NAALAD2: variants seen among roughly 807,000 people sequenced by gnomAD.
NAALAD2 encodes N-acetylated-alpha-linked acidic dipeptidase 2.
In NAALAD2, 89 loss-of-function variants were observed where a neutral mutation model predicts 95.6. The observed-to-expected ratio is 0.93, with a 90% CI of 0.78 to 1.11. The LOEUF is 1.11. Among genes scored for constraint, NAALAD2 ranks in the 50% least tolerant of loss-of-function variants. The pLI, the probability that NAALAD2 is intolerant of heterozygous loss-of-function variation, is 0.00. For synonymous variants in NAALAD2, 264 were observed against 294.4 expected, an observed-to-expected ratio of 0.90 and a Z score of 1.06; for missense variants, 894 against 872.4, an observed-to-expected ratio of 1.02 and a Z score of -0.31.
At chr11:90,145,375 G>A (rs1951725601) in intron 2 of NAALAD2, among the ~76,000 whole-genome samples, 1 of 152,006 alleles carries the variant, frequency 6.6e-6, no homozygotes, top group Non-Finnish European at 1.5e-5. Context: ...AGGCAAAAAA[G>A]TTCATGGCTA....
chr11:90,135,530 G>A, intron 1 of NAALAD2, 29 bp from the exon 2 acceptor site: 1 of 1,512,204 alleles, frequency 6.6e-7, no homozygotes, highest in Non-Finnish European at 9.1e-7. Flanking sequence ...GTGTGTATGT[G>A]TGCATGTTTG....
At chr11:90,170,030 A>G in intron 12 of NAALAD2, 39 bp from the exon 13 acceptor site, 1 of 1,129,362 alleles carries the variant, frequency 8.9e-7, no homozygotes, top group Non-Finnish European at 1.3e-6. Flanking sequence ...TTTCATTTAG[A>G]AGTATGAAAT....
At chr11:90,146,415 T>C (rs529682672) in intron 2 of NAALAD2, among the ~76,000 whole-genome samples, 350 of 140,936 alleles carry the variant, frequency 2.5e-3, no homozygotes, top group Non-Finnish European at 4.0e-3. Context: ...CTGGAGTGCA[T>C]TGGCATGATC....
intron 2 of NAALAD2, among the ~76,000 whole-genome samples, chr11:90,143,785 G>T (rs1005852771): frequency 5.3e-5 from 8 of 152,096 alleles, no homozygotes; most frequent in African/African-American, 1.9e-4. Context: ...ATTTATCAGG[G>T]TATTAAATGC....
rs527813473 is a variant in NAALAD2 at position 90,167,088 on chromosome 11, C to A, written c.1279-1841C>A. On this transcript the variant is annotated intron_variant, in intron 11 of 18. Coordinates refer to ENST00000534061, the MANE Select transcript of NAALAD2 (RefSeq NM_005467.4). Reference sequence around the variant, plus strand: ...TCCTCGGCCTTGGCGCCCACTCTGGCCACGCTTGAGGAGCCCTTCAGCCCG... The same window carrying A: ...TCCTCGGCCTTGGCGCCCACTCTGGACACGCTTGAGGAGCCCTTCAGCCCG... 5.9e-5 allele frequency among the ~76,000 whole-genome samples: 9 copies of A among 152,348 alleles called. No individual in the cohort carries two copies. The South Asian group carries it at 1.9e-3, about 32-fold the overall frequency.
chr11:90,165,262 A>T (rs182045097), intron 11 of NAALAD2, among the ~76,000 whole-genome samples: 125 of 152,286 alleles, frequency 8.2e-4, no homozygotes, highest in African/African-American at 2.8e-3. Flanking sequence ...GCTATTATGA[A>T]TAATGCTGCA....
At chr11:90,172,856 A>G (rs1238193805) in intron 13 of NAALAD2, among the ~76,000 whole-genome samples, 2 of 152,170 alleles carry the variant, frequency 1.3e-5, no homozygotes, top group African/African-American at 2.4e-5. Context: ...CCAGATGTTT[A>G]TATTCAGAAA....
chr11:90,155,494 AT>A (rs971136217), intron 6 of NAALAD2, among the ~76,000 whole-genome samples: 1 of 114,376 alleles, frequency 8.7e-6, no homozygotes, highest in Non-Finnish European at 1.6e-5. Context: ...TATATATAAT[AT>A]ATTATATATA....
Position 90,174,608 on chromosome 11 carries a change from T to A in NAALAD2, c.1502+693T>A, listed in dbSNP as rs146055188. The stretch of plus-strand genomic sequence containing the variant: ...CTTGTAAATTTATTAAGGAACATTA[T>A]CAGTAACCACCAAATTGTGTCTTTA... On this transcript the variant is annotated intron_variant, in intron 14 of 18. Transcript: ENST00000534061. Among the ~76,000 whole-genome samples the A allele has an allele frequency of 2.5e-3, 377 of 152,192 alleles. 4 individuals are homozygous for A. Among genetic ancestry groups the A allele is most frequent in the Admixed American group, 0.021 (323 of 15,284 alleles).
chr11:90,174,507 A>G (rs1952730705), intron 14 of NAALAD2, among the ~76,000 whole-genome samples: 1 of 152,100 alleles, frequency 6.6e-6, no homozygotes, highest in Admixed American at 6.6e-5. Context: ...AATTTCATTT[A>G]CATATGTATT....
At chr11:90,168,798 C>A in intron 11 of NAALAD2, 131 bp from the exon 12 acceptor site, 1 of 689,396 alleles carries the variant, frequency 1.5e-6, no homozygotes, top group Non-Finnish European at 2.5e-6. Flanking sequence ...ATTAGGGTCA[C>A]AGATGGACCT....
chr11:90,181,471 C>T (rs1591024908), intron 16 of NAALAD2, 149 bp from the exon 17 acceptor site: 1 of 603,164 alleles, frequency 1.7e-6, no homozygotes, highest in South Asian at 2.0e-5. Context: ...GTTATATTTT[C>T]TACTAATTTT....
intron 8 of NAALAD2, among the ~76,000 whole-genome samples, chr11:90,162,322 C>T (rs1410845492): frequency 7.2e-5 from 11 of 152,094 alleles, no homozygotes; most frequent in Admixed American, 7.2e-4. Context: ...AAATCAGAAT[C>T]AACAATCATG....
In NAALAD2 at chr11:90,181,516, C is replaced by T. The variant is rs1952967433; in HGVS notation, c.1859-104C>T. Reference sequence around the variant, plus strand: ...GCAAGAAGACTCAGTAGAAAAATGGCTTCGACATCTATGTGGTCATATCAA... The same window carrying T: ...GCAAGAAGACTCAGTAGAAAAATGGTTTCGACATCTATGTGGTCATATCAA... On this transcript the variant is annotated intron_variant, in intron 16 of 18. Transcript: ENST00000534061. 4 of 722,430 alleles carry T rather than the reference C, an allele frequency of 5.5e-6. No individual in the cohort carries two copies. The Admixed American group carries it at 1.1e-4, about 19-fold the overall frequency. 44.8% of individuals were successfully genotyped at this position (722,430 alleles called of 1,614,324 possible). A position where few individuals can be genotyped will look rare whatever the true frequency, so the allele number is the denominator to read the frequency against.
At chr11:90,182,233 T>C (rs1952994942) in intron 17 of NAALAD2, among the ~76,000 whole-genome samples, 1 of 152,190 alleles carries the variant, frequency 6.6e-6, no homozygotes, top group East Asian at 1.9e-4. Flanking sequence ...AGTTTCAAAG[T>C]ACATTCAAAG....
intron 17 of NAALAD2, among the ~76,000 whole-genome samples, 170 bp from the exon 18 acceptor site, chr11:90,182,746 C>T (rs756200209): frequency 2.0e-5 from 3 of 152,120 alleles, no homozygotes; most frequent in Non-Finnish European, 4.4e-5. Flanking sequence ...AGAAAGATGA[C>T]TCTGCTGTTT....
At chr11:90,174,427 C>G (rs1005839213) in intron 14 of NAALAD2, among the ~76,000 whole-genome samples, 21 of 151,888 alleles carry the variant, frequency 1.4e-4, no homozygotes, top group Non-Finnish European at 2.4e-4. Context: ...ACAAATAGAT[C>G]TAGTTTTGCA....
intron 1 of NAALAD2, 136 bp downstream of exon 1, chr11:90,134,976 C>A (rs2134809715): frequency 1.2e-6 from 1 of 824,874 alleles, no homozygotes; most frequent in Non-Finnish European, 2.0e-6. Flanking sequence ...ATAAACTCTG[C>A]ACATTTCAGC....
chr11:90,148,133 AG>A (rs1951134916), intron 3 of NAALAD2, among the ~76,000 whole-genome samples: 1 of 152,174 alleles, frequency 6.6e-6, no homozygotes, highest in African/African-American at 2.4e-5. Context: ...AGTCCTGAGC[AG>A]GGGAAGGATG....
Sources: gnomAD v4.1 joint callset for allele counts (sites outside exome capture counted in the v4.1 genomes callset) on GRCh38, gnomAD v4.1.1 for gene constraint, MANE v1.5 for transcripts, NCBI Gene and HGNC (gene_info 2026-07-23, HGNC 2026-07-21) for gene names.